The following TBATA variants were observed in gnomAD, a reference collection of about 807,000 sequenced individuals.
TBATA encodes thymus, brain and testes associated, also known as protein TBATA.
A neutral mutation model predicts 38.7 loss-of-function variants in TBATA; 47 were observed. That is an observed-to-expected ratio of 1.21 (90% CI 0.96 to 1.55). The LOEUF (loss-of-function observed/expected upper bound fraction) is 1.55, where lower values mean the gene tolerates loss of function less well. TBATA is among the 40% of genes most tolerant of loss of function. The probability of loss-of-function intolerance (pLI) is 0.00; values close to 1 mark genes in which losing one functional copy is unlikely to be tolerated. For missense variants in TBATA, 436 were observed against 435.6 expected, an observed-to-expected ratio of 1.00 and a Z score of -0.01; for synonymous variants, 183 against 170.5, an observed-to-expected ratio of 1.07 and a Z score of -0.57.
intron 4 of TBATA, among the ~76,000 whole-genome samples, chr10:70,780,249 G>C (rs1564592888): frequency 6.9e-6 from 1 of 144,782 alleles, no homozygotes; most frequent in Non-Finnish European, 1.5e-5. Flanking sequence ...GGGCAGCCTG[G>C]AGGTAGTGGG....
chr10:70,774,447 C>T (rs1323790491), intron 8 of TBATA, 90 bp from the exon 9 acceptor site: 3 of 1,342,706 alleles, frequency 2.2e-6, no homozygotes, highest in African/African-American at 1.5e-5. Context: ...CCATCCAGGG[C>T]AGCTTTCTCT....
intron 9 of TBATA, 85 bp downstream of exon 9, chr10:70,774,128 C>G: frequency 6.5e-7 from 1 of 1,542,854 alleles, no homozygotes; most frequent in Non-Finnish European, 8.8e-7. Context: ...CCCTGGTCAG[C>G]GCCAGGCTCC....
intron 3 of TBATA, among the ~76,000 whole-genome samples, chr10:70,782,903 C>T (rs1191040803): frequency 6.6e-6 from 1 of 152,212 alleles, no homozygotes; most frequent in African/African-American, 2.4e-5. Flanking sequence ...CTAAGCAAGG[C>T]GTGCCGCCCC....
intron 7 of TBATA, 46 bp downstream of exon 7, chr10:70,777,107 C>T (rs762866616): frequency 3.1e-6 from 5 of 1,593,210 alleles, no homozygotes; most frequent in Non-Finnish European, 2.6e-6. Flanking sequence ...TTGTAAGACC[C>T]CTAATGTGGA....
Position 70,777,213 on chromosome 10 carries a change from A to C in TBATA, c.633T>G (p.Ser211Arg). The C allele has an allele frequency of 6.2e-7, 1 of 1,613,380 alleles. No individual in the cohort carries two copies. Among genetic ancestry groups the C allele is most frequent in the Non-Finnish European group, 8.5e-7 (1 of 1,179,896 alleles). Residue 211 changes from serine (S) to arginine (R), a missense_variant, in exon 7 of 11, where the codon AGT becomes AGG. Ser to Arg is a moderately radical substitution (Grantham distance 110). Transcript: ENST00000456372. ...CTCCTTCATGTCTGCTGGAAGACTGACTCTGCTGGCCCTGGTGAGATCTGC... is the reference window on the plus strand; with the variant it reads ...CTCCTTCATGTCTGCTGGAAGACTGCCTCTGCTGGCCCTGGTGAGATCTGC... ...GRRRSHQGQQ[S>R]QSSSRHEGVQ...
chr10:70,771,437 A>G lies in TBATA; in HGVS notation c.998T>C (p.Leu333Pro). The change falls in exon 11 of 11, where the codon CTC becomes CCC. Residue 333 changes from leucine to proline, a missense_variant. By Grantham distance (98) the Leu-to-Pro change is moderately conservative (BLOSUM62 -3). Transcript: ENST00000456372. ...KPEYIGEAQVLQMHSSQNTEK... is the reference protein window; with the variant it reads ...KPEYIGEAQVPQMHSSQNTEK... ...TGTGTTCTGGCTTGAATGCATCTGG[A>G]GGACTTGAGCTTCTCCAATGTACTC... 3.1e-6 allele frequency: 5 copies of G among 1,613,952 alleles called. No individual in the cohort carries two copies. In the South Asian group the frequency reaches 5.5e-5, roughly 18 times the overall value.
intron 3 of TBATA, chr10:70,782,734 A>G (rs1423231942): frequency 3.9e-6 from 3 of 771,980 alleles, no homozygotes; most frequent in Non-Finnish European, 4.7e-6. Flanking sequence ...TGAGGACGCT[A>G]TGCATCTGCC....
At chr10:70,775,047 G>T in intron 8 of TBATA, 142 bp downstream of exon 8, 1 of 664,390 alleles carries the variant, frequency 1.5e-6, no homozygotes, top group Non-Finnish European at 2.5e-6. Flanking sequence ...TTAGTTTGGG[G>T]CTCCAAAGTG....
At chr10:70,784,815 T>C (rs763825986) in intron 1 of TBATA, 42 bp from the exon 2 acceptor site, 4 of 152,198 alleles carry the variant, frequency 2.6e-5, no homozygotes, top group Non-Finnish European at 5.9e-5. Context: ...CTTGCAAATG[T>C]GTTTGGCTGT....
chr10:70,783,135 C>T (rs1844466414), intron 3 of TBATA, among the ~76,000 whole-genome samples: 1 of 152,238 alleles, frequency 6.6e-6, no homozygotes, highest in South Asian at 2.1e-4. Context: ...CTTTTCCCTG[C>T]CCAGGAGGGG....
At position 70,774,347 on chromosome 10, in the gene TBATA, G is replaced by C; in HGVS notation, c.786C>G (p.Leu262=). Residue 262 remains leucine, a synonymous_variant, in exon 9 of 11, where the codon CTC becomes CTG. Coordinates refer to ENST00000456372, the MANE Select transcript of TBATA (RefSeq NM_001318241.2). ...CTGCTGTCTGCAGGAGTCCCAGAGC[G>C]AGGTCTTTTTCTGAAAGCACAGCCC... ...LLYAPPKEKD[L]ALGLLQTAVA... The C allele has an allele frequency of 6.3e-7, 1 of 1,595,492 alleles. No individual in the cohort carries two copies. Among genetic ancestry groups the C allele is most frequent in the Non-Finnish European group, 8.5e-7 (1 of 1,171,922 alleles).
intron 3 of TBATA, chr10:70,782,439 A>G (rs1209309371): frequency 6.2e-6 from 8 of 1,295,194 alleles, no homozygotes; most frequent in East Asian, 1.1e-4. Context: ...GCCTCTCCCC[A>G]AGCCAGACTG....
chr10:70,779,842 C>T (rs1843931029), intron 4 of TBATA, 100 bp from the exon 5 acceptor site: 1 of 1,249,402 alleles, frequency 8.0e-7, no homozygotes, highest in African/African-American at 1.6e-5. Flanking sequence ...TCCGGCTCCA[C>T]CTCTTCCAGT....
intron 5 of TBATA, chr10:70,778,841 G>C: frequency 3.0e-6 from 2 of 659,450 alleles, no homozygotes; most frequent in Non-Finnish European, 2.8e-6. Context: ...TGGGGTGCGG[G>C]GGTGGGGCAT....
intron 5 of TBATA, 143 bp downstream of exon 5, chr10:70,779,450 T>C (rs1461268849): frequency 4.1e-6 from 4 of 980,538 alleles, no homozygotes; most frequent in African/African-American, 3.4e-5. Flanking sequence ...TCCAAGGAAA[T>C]GGGAGAAAAA....
intron 3 of TBATA, chr10:70,782,688 G>A (rs987768954): frequency 8.2e-6 from 8 of 978,390 alleles, no homozygotes; most frequent in East Asian, 1.1e-4. Context: ...AGCCAGCTTG[G>A]GTCCTCTCTC....
At chr10:70,775,863 C>A (rs1304925608) in intron 7 of TBATA, among the ~76,000 whole-genome samples, 2 of 152,234 alleles carry the variant, frequency 1.3e-5, no homozygotes, top group African/African-American at 4.8e-5. Flanking sequence ...CCGGCTCCCT[C>A]CTGCAGAGCT....
chr10:70,785,072 G>A (rs879388197), intron 1 of TBATA, among the ~76,000 whole-genome samples: 1 of 152,228 alleles, frequency 6.6e-6, no homozygotes, highest in African/African-American at 2.4e-5. Flanking sequence ...AGGGACTCTA[G>A]TAGGCCAAGC....
intron 5 of TBATA, chr10:70,778,922 T>G (rs1589402365): frequency 1.9e-6 from 1 of 530,012 alleles, no homozygotes; most frequent in East Asian, 3.4e-5. Flanking sequence ...CTGGAGAATA[T>G]TTGGTTACCT....
Sources: gnomAD v4.1 joint callset for allele counts (sites outside exome capture counted in the v4.1 genomes callset) on GRCh38, gnomAD v4.1.1 for gene constraint, MANE v1.5 for transcripts, NCBI Gene and HGNC (gene_info 2026-07-23, HGNC 2026-07-21) for gene names.